The following ANO1 variants were observed in gnomAD, a reference collection of about 807,000 sequenced individuals.
ANO1 encodes anoctamin-1.
In ANO1, 59 loss-of-function variants were observed where a neutral mutation model predicts 124.0. The ratio of observed to expected loss-of-function variants is 0.48; its 90% CI spans 0.39 to 0.59. The LOEUF (loss-of-function observed/expected upper bound fraction) is 0.59. ANO1 is among the 20% of genes least tolerant of loss of function. The probability of loss-of-function intolerance (pLI) is 0.00; values close to 1 mark genes in which losing one functional copy is unlikely to be tolerated. For synonymous variants in ANO1, 529 were observed against 532.0 expected (o/e 0.99, Z 0.08); for missense variants, 1,059 against 1,328.0 (o/e 0.80, Z 3.15).
intron 1 of ANO1, among the ~76,000 whole-genome samples, chr11:70,007,067 CTG>C (rs1235587157): frequency 1.3e-5 from 2 of 152,088 alleles, no homozygotes; most frequent in Admixed American, 1.3e-4. Flanking sequence ...TACTGAAACT[CTG>C]TACCCATTGA....
At chr11:70,095,204 A>C (rs969431929) in intron 2 of ANO1, among the ~76,000 whole-genome samples, 5 of 95,026 alleles carry the variant, frequency 5.3e-5, no homozygotes, top group Non-Finnish European at 8.7e-5. Flanking sequence ...AGACTGTCTC[A>C]AAAAAGAAAG....
At chr11:70,158,968 G>A (rs1475771778) in intron 16 of ANO1, among the ~76,000 whole-genome samples, 1 of 152,094 alleles carries the variant, frequency 6.6e-6, no homozygotes, top group Non-Finnish European at 1.5e-5. Context: ...GAGATAACCG[G>A]AGCCTCCCCA....
At chr11:70,017,942 C>T (rs1856731998) in intron 1 of ANO1, among the ~76,000 whole-genome samples, 1 of 152,174 alleles carries the variant, frequency 6.6e-6, no homozygotes, top group South Asian at 2.1e-4. Flanking sequence ...CTGATGGTCT[C>T]TGAGAGTTTT....
intron 1 of ANO1, among the ~76,000 whole-genome samples, chr11:70,035,352 T>C (rs1857076563): frequency 6.6e-6 from 1 of 152,144 alleles, no homozygotes; most frequent in African/African-American, 2.4e-5. Flanking sequence ...AGCCCTGCGC[T>C]GGCGAACTTT....
At chr11:70,052,711 C>A (rs1857371879) in intron 1 of ANO1, among the ~76,000 whole-genome samples, 1 of 151,704 alleles carries the variant, frequency 6.6e-6, no homozygotes, top group Non-Finnish European at 1.5e-5. Context: ...TGCCACCACA[C>A]CCAGCCAATT....
At chr11:70,095,586 C>T (rs2044916991) in intron 2 of ANO1, among the ~76,000 whole-genome samples, 1 of 152,226 alleles carries the variant, frequency 6.6e-6, no homozygotes, top group South Asian at 2.1e-4. Flanking sequence ...GTTCTGAGGT[C>T]CTCATCTGTG....
At chr11:70,011,404 T>G (rs1224535789) in intron 1 of ANO1, among the ~76,000 whole-genome samples, 1 of 152,192 alleles carries the variant, frequency 6.6e-6, no homozygotes, top group Non-Finnish European at 1.5e-5. Flanking sequence ...GGAGCACCCT[T>G]TGGGCTTCTG....
intron 5 of ANO1, among the ~76,000 whole-genome samples, chr11:70,107,103 C>T (rs2045578224): frequency 6.6e-6 from 1 of 152,104 alleles, no homozygotes; most frequent in Admixed American, 6.5e-5. Context: ...GAGGTGGTTA[C>T]AGGAGAATCA....
At chr11:69,984,316 G>A (rs187305436), upstream of ANO1, among the ~76,000 whole-genome samples, 9 of 152,270 alleles carry the variant, frequency 5.9e-5, no homozygotes, top group African/African-American at 1.4e-4. Context: ...TCCTGAGGGT[G>A]AGCCTGCCGC....
chr11:70,137,781 C>T (rs2135554208), intron 11 of ANO1, among the ~76,000 whole-genome samples: 1 of 147,290 alleles, frequency 6.8e-6, no homozygotes, highest in African/African-American at 2.4e-5. Flanking sequence ...TCTCTGGGTC[C>T]CAGGTTCGCA....
intron 1 of ANO1, among the ~76,000 whole-genome samples, chr11:70,057,291 C>G (rs746829279): frequency 1.9e-4 from 29 of 152,160 alleles, no homozygotes; most frequent in Non-Finnish European, 3.4e-4. Flanking sequence ...TGCAGAAAGA[C>G]CAGCTGGTTT....
chr11:70,066,950 A>G (rs1857741008), intron 1 of ANO1, among the ~76,000 whole-genome samples: 1 of 152,196 alleles, frequency 6.6e-6, no homozygotes, highest in East Asian at 1.9e-4. Context: ...AACAAACTTG[A>G]AAAAGCAGCC....
upstream of ANO1, among the ~76,000 whole-genome samples, chr11:70,073,373 C>T (rs1474856902): frequency 2.6e-5 from 4 of 152,180 alleles, no homozygotes; most frequent in Non-Finnish European, 4.4e-5. Flanking sequence ...AGGGTGCGTC[C>T]GTCCGTGTGA....
intron 6 of ANO1, among the ~76,000 whole-genome samples, chr11:70,111,374 T>C (rs972023133): frequency 6.6e-6 from 1 of 152,158 alleles, no homozygotes; most frequent in Non-Finnish European, 1.5e-5. Context: ...GGGGAGCCGG[T>C]GAATCGGAGG....
rs2045502577 is a variant in ANO1, at chr11:70,105,745, C to T, written c.704C>T (p.Ser235Phe). 1 of 1,613,684 alleles carries T rather than the reference C, an allele frequency of 6.2e-7. No individual in the cohort carries two copies. Among genetic ancestry groups the T allele is most frequent in the Admixed American group, 1.7e-5 (1 of 60,022 alleles). The change falls in exon 5 of 26, where the codon TCT becomes TTT. Residue 235 changes from serine (S) to phenylalanine (F), a missense_variant. Transcript: ENST00000355303. Reference sequence around the variant, plus strand: ...CGATATTTCCACAGATTTGACTTGTCTGATAAGGATTCCTTTTTCGACAGC... The same window carrying T: ...CGATATTTCCACAGATTTGACTTGTTTGATAAGGATTCCTTTTTCGACAGC... ...SREKQHLFDL[S>F]DKDSFFDSKT...
intron 10 of ANO1, 96 bp downstream of exon 10, chr11:70,126,291 A>C: frequency 7.0e-7 from 1 of 1,428,884 alleles, no homozygotes; most frequent in Non-Finnish European, 9.4e-7. Context: ...GGCCTCTCAC[A>C]CCAATTCCTG....
chr11:70,126,392 C>G (rs1565227040), intron 10 of ANO1, among the ~76,000 whole-genome samples, 197 bp downstream of exon 10: 1 of 152,140 alleles, frequency 6.6e-6, no homozygotes, highest in African/African-American at 2.4e-5. Context: ...CTTCTCAGGC[C>G]CATCTGTGCT....
chr11:70,157,979 C>CA (rs548012147), intron 16 of ANO1, among the ~76,000 whole-genome samples: 2,550 of 72,220 alleles, frequency 0.035, 48 homozygotes, highest in Non-Finnish European at 0.041. Context: ...GACCCTGTCT[C>CA]AAAAAAAAAA....
intron 1 of ANO1, among the ~76,000 whole-genome samples, chr11:70,063,306 A>G (rs1857637860): frequency 6.6e-6 from 1 of 152,178 alleles, no homozygotes; most frequent in Non-Finnish European, 1.5e-5. Flanking sequence ...GAGAAAGGCA[A>G]GATCAGGGAG....
Sources: gnomAD v4.1 joint callset for allele counts (sites outside exome capture counted in the v4.1 genomes callset) on GRCh38, gnomAD v4.1.1 for gene constraint, MANE v1.5 for transcripts, NCBI Gene and HGNC (gene_info 2026-07-23, HGNC 2026-07-21) for gene names.